ZDHHC17: variants seen among roughly 807,000 people sequenced by gnomAD.
The protein encoded by ZDHHC17 is palmitoyltransferase ZDHHC17.
Under a neutral mutation model 90.3 loss-of-function variants are expected in ZDHHC17, and 40 were observed. The observed-to-expected ratio is 0.44, with a 90% CI of 0.34 to 0.58. The LOEUF (loss-of-function observed/expected upper bound fraction) is 0.58, where lower values mean the gene tolerates loss of function less well. ZDHHC17 is among the 20% of genes least tolerant of loss of function. ZDHHC17 has a pLI of 0.01. For synonymous variants in ZDHHC17, 235 were observed against 252.4 expected, an observed-to-expected ratio of 0.93 and a Z score of 0.65; for missense variants, 614 against 780.8, an observed-to-expected ratio of 0.79 and a Z score of 2.55.
At chr12:76,803,768 C>T (rs1012336642) in intron 2 of ZDHHC17, among the ~76,000 whole-genome samples, 9 of 152,088 alleles carry the variant, frequency 5.9e-5, no homozygotes, top group Admixed American at 1.3e-4. Flanking sequence ...ATTTAAGGCC[C>T]GAAACCAAAT....
rs759862140 is a variant in ZDHHC17 at position 76,764,349 on chromosome 12, G to A, written c.93+20G>A. On this transcript the variant is annotated intron_variant, in intron 1 of 16. Transcript: ENST00000426126. ...CCAGAGGTGAGGAACCGTGCTGAGTGGATTCCTTGCCCTGCGGCCCTCCAG... is the reference window on the plus strand; with the variant it reads ...CCAGAGGTGAGGAACCGTGCTGAGTAGATTCCTTGCCCTGCGGCCCTCCAG... The A allele has an allele frequency of 5.1e-6, 8 of 1,564,302 alleles. No individual in the cohort carries two copies. The African/African-American group carries it at 1.1e-4, about 21-fold the overall frequency.
At chr12:76,810,261 G>C (rs1299073498) in intron 5 of ZDHHC17, among the ~76,000 whole-genome samples, 2 of 152,034 alleles carry the variant, frequency 1.3e-5, no homozygotes, top group Non-Finnish European at 1.5e-5. Flanking sequence ...AGTTTCTGCT[G>C]TATAAGATAA....
In ZDHHC17 at chr12:76,797,528, A is replaced by T. The variant is rs753720894; in HGVS notation, c.188A>T (p.Lys63Met). The change falls in exon 2 of 17, where the codon AAG becomes ATG. Residue 63 changes from lysine (K) to methionine (M), a missense_variant. By Grantham distance (95) the Lys-to-Met change is moderately conservative. Transcript: ENST00000426126. ...GATTACAGCACATGGGACATAGTCA[A>T]GGCTACACAGTAAGGTTTTTGTTGT... ...IDDYSTWDIV[K>M]ATQYGIYERC... 1.9e-6 allele frequency: 3 copies of T among 1,596,662 alleles called. No homozygotes were observed. In the South Asian group the frequency reaches 3.5e-5, roughly 18 times the overall value.
chr12:76,799,349 T>C (rs545877806), intron 2 of ZDHHC17, among the ~76,000 whole-genome samples: 1 of 152,344 alleles, frequency 6.6e-6, no homozygotes, highest in East Asian at 1.9e-4. Context: ...GAAATAACTC[T>C]TTCTTAATAT....
chr12:76,786,091 T>G (rs1479036853), intron 1 of ZDHHC17, among the ~76,000 whole-genome samples: 1 of 150,808 alleles, frequency 6.6e-6, no homozygotes, highest in Non-Finnish European at 1.5e-5. Context: ...CAAGGGGGAA[T>G]TAGTTTTCTT....
At chr12:76,780,689 A>T (rs1952612450) in intron 1 of ZDHHC17, among the ~76,000 whole-genome samples, 2 of 152,206 alleles carry the variant, frequency 1.3e-5, no homozygotes, top group Non-Finnish European at 2.9e-5. Context: ...TCCAATGATT[A>T]CTTGCAGTCT....
chr12:76,806,044 A>G (rs1952949999), intron 3 of ZDHHC17, among the ~76,000 whole-genome samples: 1 of 152,170 alleles, frequency 6.6e-6, no homozygotes, highest in African/African-American at 2.4e-5. Flanking sequence ...AATCTCAGCA[A>G]ATCTTGTTTA....
Position 76,793,274 on chromosome 12 carries a change from A to T in ZDHHC17, c.94-4160A>T, listed in dbSNP as rs940416769. On this transcript the variant is annotated intron_variant, in intron 1 of 16. Coordinates refer to ENST00000426126, the MANE Select transcript of ZDHHC17 (RefSeq NM_015336.4). ...AGTGGCTCCTGCCTGTAATCCCAGC[A>T]CTTTGGGAGGCCGAAGTGGTAGATC... 2.0e-5 allele frequency among the ~76,000 whole-genome samples: 3 copies of T among 152,232 alleles called. No homozygotes were observed. The East Asian group carries it at 5.8e-4, about 29-fold the overall frequency.
intron 2 of ZDHHC17, among the ~76,000 whole-genome samples, chr12:76,800,377 T>G (rs563173601): frequency 1.2e-3 from 181 of 152,348 alleles, no homozygotes; most frequent in Non-Finnish European, 2.0e-3. Context: ...CACAGTTTCC[T>G]TAAGTTCTGT....
At position 76,791,556 on chromosome 12, in the gene ZDHHC17, G is replaced by A. The variant is rs75215597; in HGVS notation, c.94-5878G>A. 4.6e-3 allele frequency among the ~76,000 whole-genome samples: 698 copies of A among 152,210 alleles called. 6 individuals carry two copies. The highest frequency in any genetic ancestry group is 0.016 in the African/African-American group (668 of 41,524). On this transcript the variant is annotated intron_variant, in intron 1 of 16. Coordinates refer to ENST00000426126, the MANE Select transcript of ZDHHC17 (RefSeq NM_015336.4). Reference sequence around the variant, plus strand: ...GAATTTAGAAATGAATCAAGTACCCGTAGAGACCCAAAATACCATAAATTT... The same window carrying A: ...GAATTTAGAAATGAATCAAGTACCCATAGAGACCCAAAATACCATAAATTT...
intron 1 of ZDHHC17, among the ~76,000 whole-genome samples, chr12:76,770,729 G>T (rs1174729420): frequency 6.6e-6 from 1 of 152,046 alleles, no homozygotes; most frequent in African/African-American, 2.4e-5. Context: ...CCTGAGGTCG[G>T]GAGTTCGAGA....
Position 76,781,678 on chromosome 12 carries a change from A to G in ZDHHC17, c.94-15756A>G, listed in dbSNP as rs539494020. 27 of 456,092 alleles carry G rather than the reference A, an allele frequency of 5.9e-5. No homozygotes were observed. The East Asian group carries it at 1.7e-3, about 28-fold the overall frequency. The allele number at this position is 456,092 out of a possible 1,614,324, so 28.3% of individuals were successfully genotyped here. A position where few individuals can be genotyped will look rare whatever the true frequency, so the allele number is the denominator to read the frequency against. On this transcript the variant is annotated intron_variant, in intron 1 of 16. Transcript: ENST00000426126. Reference sequence around the variant, plus strand: ...CTTCACCTTGGACTACTCAGCCTTCAGAACTGTAAGAAATACTTTATTTTC... The same window carrying G: ...CTTCACCTTGGACTACTCAGCCTTCGGAACTGTAAGAAATACTTTATTTTC...
At chr12:76,843,286 T>C (rs904095865) in intron 12 of ZDHHC17, among the ~76,000 whole-genome samples, 2 of 152,190 alleles carry the variant, frequency 1.3e-5, no homozygotes, top group African/African-American at 4.8e-5. Context: ...ATCAAAGATT[T>C]ATAATGATTC....
At chr12:76,807,947 G>A (rs1212836294) in intron 3 of ZDHHC17, among the ~76,000 whole-genome samples, 1 of 152,062 alleles carries the variant, frequency 6.6e-6, no homozygotes, top group East Asian at 1.9e-4. Context: ...ATGGATTCAG[G>A]AATAATTAAA....
rs764788466 is a variant in ZDHHC17 at position 76,827,042 on chromosome 12, T to C, written c.1032T>C (p.Phe344=). ...MYGGVWATVQ[F]LSKSFFDHSM... is the part of the protein sequence containing the mutation. ...GTGGTGTTTGGGCTACAGTACAGTT[T>C]CTTTCAAAGTAAGTGTGTTGTTTTT... Residue 344 remains phenylalanine, a synonymous_variant, in exon 9 of 17, where the codon TTT becomes TTC. Transcript: ENST00000426126. 8.4e-6 allele frequency: 13 copies of C among 1,555,966 alleles called. No homozygotes were observed. The South Asian group carries it at 1.3e-4, about 15-fold the overall frequency.
intron 8 of ZDHHC17, among the ~76,000 whole-genome samples, chr12:76,825,218 T>C (rs1025307284): frequency 6.6e-6 from 1 of 152,192 alleles, no homozygotes; most frequent in African/African-American, 2.4e-5. Flanking sequence ...GATGTTACCA[T>C]TGGGGGACAA....
intron 3 of ZDHHC17, 91 bp downstream of exon 3, chr12:76,805,530 C>T: frequency 9.0e-7 from 1 of 1,107,506 alleles, no homozygotes; most frequent in Non-Finnish European, 1.3e-6. Flanking sequence ...CTAATACTTT[C>T]TAAAATTCAT....
rs763269507 is a variant in ZDHHC17 at position 76,788,688 on chromosome 12, A to ATTTTTTTTTTTTTTTTTTTTT, written c.94-8740_94-8720dup. On this transcript the variant is annotated intron_variant, in intron 1 of 16. Transcript: ENST00000426126. ...AAAATATATTTAAGTTGGAATCGCA[A>ATTTTTTTTTTTTTTTTTTTTT]TTTTTTTTTTTTTTTTTTTTTTTTT... 2.2e-4 allele frequency among the ~76,000 whole-genome samples: 22 copies of ATTTTTTTTTTTTTTTTTTTTT among 98,668 alleles called. 1 individual carries two copies. The highest frequency in any genetic ancestry group is 2.8e-4 in the African/African-American group (7 of 25,134). 64.7% of individuals were successfully genotyped at this position (98,668 alleles called of 152,430 possible).
At chr12:76,828,786 C>T (rs1464636873) in intron 10 of ZDHHC17, among the ~76,000 whole-genome samples, 2 of 152,086 alleles carry the variant, frequency 1.3e-5, no homozygotes, top group South Asian at 4.1e-4. Flanking sequence ...TGTTATCCCC[C>T]TTTTCCCCCT....
Sources: allele counts gnomAD v4.1 joint callset (sites outside exome capture counted in the v4.1 genomes callset), GRCh38; gene constraint gnomAD v4.1.1; transcripts MANE v1.5; gene names NCBI Gene and HGNC (gene_info 2026-07-23, HGNC 2026-07-21).